NOL10: variants seen among roughly 807,000 people sequenced by gnomAD.
The protein encoded by NOL10 is nucleolar protein 10, also known as H_NH0074G24.1.
Under a neutral mutation model 103.5 loss-of-function variants are expected in NOL10, and 58 were observed. The ratio of observed to expected loss-of-function variants is 0.56; its 90% confidence interval spans 0.45 to 0.70. The LOEUF (loss-of-function observed/expected upper bound fraction) is 0.70. Ranked by LOEUF, NOL10 falls within the 30% of genes least tolerant of loss-of-function variation. NOL10 has a pLI of 0.00. For synonymous variants in NOL10, 287 were observed against 282.5 expected, an observed-to-expected ratio of 1.02 and a Z score of -0.16; for missense variants, 763 against 807.3, an observed-to-expected ratio of 0.95 and a Z score of 0.67.
At position 10,684,207 on chromosome 2, in the gene NOL10, T is replaced by C. The variant is rs1000948386; in HGVS notation, c.112+360A>G. Among the ~76,000 whole-genome samples, 10 of 146,648 alleles carry C rather than the reference T, an allele frequency of 6.8e-5. 1 individual carries two copies. In the South Asian group the frequency reaches 1.1e-3, roughly 16 times the overall value. Reference sequence around the variant, plus strand: ...AGGAGAACTGCTTGAATCCAGGAGGTGGAGGTTGCAGTGAGCCGAGGTCAC... The same window carrying C: ...AGGAGAACTGCTTGAATCCAGGAGGCGGAGGTTGCAGTGAGCCGAGGTCAC... On this transcript the variant is annotated intron_variant, in intron 2 of 20. Coordinates refer to ENST00000381685, the MANE Select transcript of NOL10 (RefSeq NM_024894.4).
chr2:10,649,747 C>G (rs1558321599), intron 12 of NOL10, among the ~76,000 whole-genome samples: 1 of 152,122 alleles, frequency 6.6e-6, no homozygotes, highest in South Asian at 2.1e-4. Flanking sequence ...CTCTGCAGCC[C>G]CCCTGGTCAC....
chr2:10,600,501 G>T (rs982939892), intron 17 of NOL10, among the ~76,000 whole-genome samples: 3 of 152,122 alleles, frequency 2.0e-5, no homozygotes, highest in South Asian at 4.1e-4. Flanking sequence ...TATTTACAAA[G>T]AATTTTTAAC....
intron 8 of NOL10, among the ~76,000 whole-genome samples, chr2:10,666,069 T>C (rs1680550076): frequency 6.6e-6 from 1 of 152,048 alleles, no homozygotes; most frequent in Non-Finnish European, 1.5e-5. Flanking sequence ...CCCCAGTGTC[T>C]AGTGTTGTCA....
chr2:10,688,307 G>C (rs1393362390), intron 1 of NOL10, among the ~76,000 whole-genome samples: 1 of 152,140 alleles, frequency 6.6e-6, no homozygotes, highest in East Asian at 1.9e-4. Context: ...GCAGCACTAA[G>C]AATAAAACTT....
chr2:10,668,815 G>C (rs2148337039), intron 6 of NOL10, 92 bp from the exon 7 acceptor site: 1 of 441,620 alleles, frequency 2.3e-6, no homozygotes, highest in Non-Finnish European at 4.0e-6. Context: ...TTACTCATAA[G>C]CCACCACTTC....
At chr2:10,606,642 T>C (rs899642519) in intron 14 of NOL10, among the ~76,000 whole-genome samples, 2 of 150,226 alleles carry the variant, frequency 1.3e-5, no homozygotes, top group African/African-American at 2.5e-5. Flanking sequence ...TATCTGCACA[T>C]AGTAAGCCCT....
Position 10,649,918 on chromosome 2 carries a change from CTT to C in NOL10, c.973+4561_973+4562del, listed in dbSNP as rs555070289. Among the ~76,000 whole-genome samples the C allele has an allele frequency of 3.8e-4, 58 of 152,252 alleles. 2 individuals are homozygous for C. In the South Asian group the frequency reaches 0.011, roughly 28 times the overall value. On this transcript the variant is annotated intron_variant, in intron 12 of 20. Coordinates refer to ENST00000381685, the MANE Select transcript of NOL10 (RefSeq NM_024894.4). The stretch of plus-strand genomic sequence containing the variant: ...AATTTCCATGTCATAAAATATTACT[CTT>C]CTTAGATTTTTTTTTCCAACCATTT...
At chr2:10,606,279 C>T (rs1177887529) in intron 14 of NOL10, among the ~76,000 whole-genome samples, 1 of 151,786 alleles carries the variant, frequency 6.6e-6, no homozygotes, top group Non-Finnish European at 1.5e-5. Context: ...TAATAGTACC[C>T]AATCCATAGG....
At chr2:10,582,234 G>A (rs1204546160) in intron 19 of NOL10, among the ~76,000 whole-genome samples, 1 of 152,182 alleles carries the variant, frequency 6.6e-6, no homozygotes, top group African/African-American at 2.4e-5. Flanking sequence ...AGTGGATAAT[G>A]TTGCAGACAC....
intron 14 of NOL10, among the ~76,000 whole-genome samples, 199 bp downstream of exon 14, chr2:10,606,986 G>A (rs2148193030): frequency 6.6e-6 from 1 of 152,214 alleles, no homozygotes; most frequent in Non-Finnish European, 1.5e-5. Flanking sequence ...GCTTCAGCAT[G>A]TTAAATTTAC....
At chr2:10,632,832 T>A (rs534366229) in intron 13 of NOL10, among the ~76,000 whole-genome samples, 6 of 152,196 alleles carry the variant, frequency 3.9e-5, no homozygotes, top group Non-Finnish European at 7.3e-5. Flanking sequence ...AATTTTAAAA[T>A]ATTATTTAAA....
chr2:10,667,836 T>TA (rs1304823826), intron 7 of NOL10, among the ~76,000 whole-genome samples: 7 of 152,106 alleles, frequency 4.6e-5, no homozygotes, highest in African/African-American at 1.7e-4. Context: ...GTTTTTTTTT[T>TA]AATAAAAATA....
At chr2:10,680,106 C>T (rs973921364) in intron 3 of NOL10, among the ~76,000 whole-genome samples, 1 of 151,856 alleles carries the variant, frequency 6.6e-6, no homozygotes, top group Non-Finnish European at 1.5e-5. Flanking sequence ...GAAACCCTGT[C>T]TCTACTAAAA....
At chr2:10,668,234 C>T (rs1680678595) in intron 7 of NOL10, among the ~76,000 whole-genome samples, 1 of 152,100 alleles carries the variant, frequency 6.6e-6, no homozygotes, top group Non-Finnish European at 1.5e-5. Context: ...CTGCATAGTA[C>T]ATATGTGTAG....
chr2:10,635,022 T>A (rs1343220253), intron 13 of NOL10, among the ~76,000 whole-genome samples: 1 of 152,182 alleles, frequency 6.6e-6, no homozygotes, highest in Non-Finnish European at 1.5e-5. Flanking sequence ...ATTTTAAATT[T>A]TTGATTTTTT....
intron 9 of NOL10, among the ~76,000 whole-genome samples, chr2:10,662,270 T>A (rs773974394): frequency 1.3e-4 from 20 of 152,236 alleles, no homozygotes; most frequent in Non-Finnish European, 2.9e-4. Flanking sequence ...CAGCTACTAT[T>A]TCTACTAAGC....
At chr2:10,582,969 T>C (rs10929678) in intron 19 of NOL10, among the ~76,000 whole-genome samples, 46,265 of 152,164 alleles carry the variant, frequency 0.3, 7,754 homozygotes, top group Non-Finnish European at 0.38. Context: ...TGTGTCTCTA[T>C]TGCAGTTGGC....
At chr2:10,604,042 A>T (rs1424843347) in intron 14 of NOL10, among the ~76,000 whole-genome samples, 1 of 152,250 alleles carries the variant, frequency 6.6e-6, no homozygotes, top group Non-Finnish European at 1.5e-5. Flanking sequence ...ACCTCAGATC[A>T]TCAGGCATTA....
At chr2:10,588,743 C>T (rs909099987) in intron 19 of NOL10, among the ~76,000 whole-genome samples, 2 of 152,224 alleles carry the variant, frequency 1.3e-5, no homozygotes, top group African/African-American at 4.8e-5. Flanking sequence ...CACTGATACT[C>T]ATAAGGCTCT....
Sources: allele counts gnomAD v4.1 joint callset (sites outside exome capture counted in the v4.1 genomes callset), GRCh38; gene constraint gnomAD v4.1.1; transcripts MANE v1.5; gene names NCBI Gene and HGNC (gene_info 2026-07-23, HGNC 2026-07-21).